The following FGGY variants were observed in gnomAD, a reference collection of about 807,000 sequenced individuals.
The protein encoded by FGGY is FGGY carbohydrate kinase domain containing.
In FGGY, 72 loss-of-function variants were observed where a neutral mutation model predicts 71.3. The observed-to-expected ratio is 1.01, with a 90% CI of 0.84 to 1.23. The LOEUF (loss-of-function observed/expected upper bound fraction) is 1.23. FGGY is among the 50% of genes most tolerant of loss of function. FGGY has a pLI of 0.00. For missense variants in FGGY, 668 were observed against 682.3 expected, an observed-to-expected ratio of 0.98 and a Z score of 0.23; for synonymous variants, 251 against 250.3, an observed-to-expected ratio of 1.00 and a Z score of -0.02.
At chr1:59,537,985 A>C (rs937430328) in intron 7 of FGGY, among the ~76,000 whole-genome samples, 13 of 152,160 alleles carry the variant, frequency 8.5e-5, no homozygotes, top group Non-Finnish European at 1.8e-4. Context: ...ACAAAAGCCA[A>C]AATTGACAAA....
At chr1:59,463,767 A>G (rs990070079) in intron 6 of FGGY, among the ~76,000 whole-genome samples, 34 of 152,190 alleles carry the variant, frequency 2.2e-4, no homozygotes, top group Non-Finnish European at 2.8e-4. Context: ...AGAGACAAAG[A>G]AGGCCATTAC....
intron 5 of FGGY, among the ~76,000 whole-genome samples, chr1:59,445,092 C>T (rs982641239): frequency 1.3e-5 from 2 of 152,178 alleles, no homozygotes; most frequent in African/African-American, 4.8e-5. Context: ...GAGATAATAT[C>T]TGTGCCTGGT....
intron 9 of FGGY, among the ~76,000 whole-genome samples, chr1:59,614,237 C>T (rs930652834): frequency 3.9e-5 from 6 of 152,072 alleles, no homozygotes; most frequent in Non-Finnish European, 2.9e-5. Flanking sequence ...AACATCGATG[C>T]AAAAATCCTC....
At chr1:59,430,353 C>G (rs1382327492) in intron 5 of FGGY, among the ~76,000 whole-genome samples, 2 of 152,112 alleles carry the variant, frequency 1.3e-5, no homozygotes. Flanking sequence ...TTGGTCCAAA[C>G]CACCCTGAAT....
At position 59,429,732 on chromosome 1, in the gene FGGY, A is replaced by G. The variant is rs866315677; in HGVS notation, c.555-27229A>G. ...CACACAGACACACGACACACACGTG[A>G]CGCACATATTTTACTCTGTGCTAAT... is the stretch of plus-strand genomic sequence containing the variant. On this transcript the variant is annotated intron_variant, in intron 5 of 15. Coordinates refer to ENST00000303721, the MANE Select transcript of FGGY (RefSeq NM_018291.5). Among the ~76,000 whole-genome samples the G allele has an allele frequency of 5.9e-5, 9 of 152,308 alleles. No individual in the cohort carries two copies. The South Asian group carries it at 1.9e-3, about 32-fold the overall frequency.
chr1:59,747,775 A>G (rs2098212763), intron 14 of FGGY, among the ~76,000 whole-genome samples: 1 of 152,218 alleles, frequency 6.6e-6, no homozygotes, highest in Non-Finnish European at 1.5e-5. Flanking sequence ...AATGACCATA[A>G]TTGAATTTGT....
intron 7 of FGGY, among the ~76,000 whole-genome samples, chr1:59,551,071 T>G (rs2095600735): frequency 6.6e-6 from 1 of 152,162 alleles, no homozygotes; most frequent in Non-Finnish European, 1.5e-5. Context: ...AGTTGTCTCT[T>G]GAGAGGGGGT....
At chr1:59,310,396 G>C (rs184787969) in intron 1 of FGGY, among the ~76,000 whole-genome samples, 4 of 152,340 alleles carry the variant, frequency 2.6e-5, no homozygotes, top group African/African-American at 9.6e-5. Context: ...AACTCAAAGA[G>C]AGGTCAGGAA....
At chr1:59,668,758 G>A (rs1294131522) in intron 13 of FGGY, among the ~76,000 whole-genome samples, 5 of 151,986 alleles carry the variant, frequency 3.3e-5, no homozygotes, top group African/African-American at 7.3e-5. Context: ...CGAGGTGGGC[G>A]GATCACCTGA....
At chr1:59,296,920 C>T (rs551982796), upstream of FGGY, 2 of 152,620 alleles carry the variant, frequency 1.3e-5, no homozygotes, top group Non-Finnish European at 2.9e-5. Context: ...AAGTGACCCT[C>T]CTCTCAGTCC....
chr1:59,630,864 C>G (rs1438868613), intron 10 of FGGY, among the ~76,000 whole-genome samples: 1 of 152,176 alleles, frequency 6.6e-6, no homozygotes, highest in African/African-American at 2.4e-5. Context: ...CCACTTCCAG[C>G]TACTTTCCTG....
At chr1:59,509,517 A>G (rs2094469192) in intron 6 of FGGY, among the ~76,000 whole-genome samples, 1 of 152,092 alleles carries the variant, frequency 6.6e-6, no homozygotes, top group Non-Finnish European at 1.5e-5. Context: ...CCACTGCCCC[A>G]TCTGCCTCCC....
intron 5 of FGGY, among the ~76,000 whole-genome samples, chr1:59,442,705 C>T (rs1389156875): frequency 6.6e-6 from 1 of 152,164 alleles, no homozygotes; most frequent in African/African-American, 2.4e-5. Flanking sequence ...CAGTTGACAT[C>T]ATATCTGAGA....
At chr1:59,711,049 C>T (rs1241315598) in intron 14 of FGGY, among the ~76,000 whole-genome samples, 2 of 152,052 alleles carry the variant, frequency 1.3e-5, no homozygotes, top group Admixed American at 6.6e-5. Context: ...CCCAAATGCC[C>T]ATCAATGTTA....
chr1:59,726,364 A>G (rs994276614), intron 14 of FGGY, among the ~76,000 whole-genome samples: 3 of 152,012 alleles, frequency 2.0e-5, no homozygotes, highest in African/African-American at 7.3e-5. Context: ...ATCTATATTC[A>G]TGAGAGAGAG....
At chr1:59,334,592 G>A (rs937581850) in intron 2 of FGGY, among the ~76,000 whole-genome samples, 1 of 151,998 alleles carries the variant, frequency 6.6e-6, no homozygotes, top group African/African-American at 2.4e-5. Flanking sequence ...AAAAATTACT[G>A]CTTTTCTTTT....
At chr1:59,356,035 A>G (rs2054248497) in intron 4 of FGGY, among the ~76,000 whole-genome samples, 1 of 152,210 alleles carries the variant, frequency 6.6e-6, no homozygotes, top group South Asian at 2.1e-4. Flanking sequence ...ACTTGGCAAT[A>G]CAGGGTCCAC....
At chr1:59,502,188 C>A (rs1423814385) in intron 6 of FGGY, among the ~76,000 whole-genome samples, 1 of 152,222 alleles carries the variant, frequency 6.6e-6, no homozygotes, top group Non-Finnish European at 1.5e-5. Flanking sequence ...CACCCCCTAA[C>A]CTGAACTCCC....
intron 11 of FGGY, among the ~76,000 whole-genome samples, chr1:59,647,088 A>ACTGAGGGGCGAAT (rs1196907774): frequency 1.8e-4 from 28 of 152,316 alleles, no homozygotes; most frequent in African/African-American, 6.0e-4. Context: ...ATGATAAAAG[A>ACTGAGGGGCGAAT]CTGAGGGGCG....
Sources: gnomAD v4.1 joint callset for allele counts (sites outside exome capture counted in the v4.1 genomes callset) on GRCh38, gnomAD v4.1.1 for gene constraint, MANE v1.5 for transcripts, NCBI Gene and HGNC (gene_info 2026-07-23, HGNC 2026-07-21) for gene names.